The following CACNB2 variants were observed in gnomAD, a reference collection of about 807,000 sequenced individuals.
CACNB2 encodes the protein voltage-dependent L-type calcium channel subunit beta-2.
A neutral mutation model predicts 73.3 loss-of-function variants in CACNB2; 42 were observed. That is an observed-to-expected ratio of 0.57 (90% CI 0.45 to 0.74). The LOEUF is 0.74. CACNB2 is among the 30% of genes least tolerant of loss of function. The probability of loss-of-function intolerance (pLI) is 0.00; values close to 1 mark genes in which losing one functional copy is unlikely to be tolerated. For synonymous variants in CACNB2, 348 were observed against 310.3 expected, an observed-to-expected ratio of 1.12 and a Z score of -1.28; for missense variants, 940 against 853.0, an observed-to-expected ratio of 1.10 and a Z score of -1.27.
chr10:18,485,512 G>A (rs370688796), intron 3 of CACNB2, among the ~76,000 whole-genome samples: 8 of 150,014 alleles, frequency 5.3e-5, no homozygotes, highest in South Asian at 2.1e-4. Context: ...TAAAAAAAAC[G>A]GATTAGATCT....
In CACNB2 at chr10:18,494,224, G is replaced by A. The variant is rs556372763; in HGVS notation, c.334-4131G>A. On this transcript the variant is annotated intron_variant, in intron 3 of 13. Transcript: ENST00000324631. ...ATTGAAAAGTGATAAAAAGTTGGTAGAAGTCATAAGATTTTCTATGGGGTC... is the reference window on the plus strand; with the variant it reads ...ATTGAAAAGTGATAAAAAGTTGGTAAAAGTCATAAGATTTTCTATGGGGTC... 4.1e-4 allele frequency among the ~76,000 whole-genome samples: 63 copies of A among 152,248 alleles called. No individual in the cohort carries two copies. In the East Asian group the frequency reaches 8.9e-3, roughly 21 times the overall value.
intron 7 of CACNB2, chr10:18,515,182 T>C: frequency 1.4e-6 from 1 of 721,284 alleles, no homozygotes; most frequent in South Asian, 1.5e-5. Flanking sequence ...TCCAAGATGC[T>C]ACACAGCGAG....
chr10:18,338,738 CTTTTTTT>C (rs553402190), intron 2 of CACNB2, among the ~76,000 whole-genome samples: 8 of 102,446 alleles, frequency 7.8e-5, no homozygotes, highest in Admixed American at 3.6e-4. Flanking sequence ...TCCTTCTTTC[CTTTTTTT>C]TTTTTTTTTT....
chr10:18,343,995 C>T (rs1040635718), intron 2 of CACNB2, among the ~76,000 whole-genome samples: 3 of 150,016 alleles, frequency 2.0e-5, no homozygotes, highest in Non-Finnish European at 4.4e-5. Flanking sequence ...ATGAAGTATT[C>T]TAAGAAGGCT....
At chr10:18,321,762 C>T (rs1335634684) in intron 2 of CACNB2, among the ~76,000 whole-genome samples, 3 of 152,118 alleles carry the variant, frequency 2.0e-5, no homozygotes, top group African/African-American at 7.2e-5. Context: ...ATCATAGGAG[C>T]CATTACCTCA....
rs536310661 is a variant in CACNB2 at position 18,389,934 on chromosome 10, C to T, written c.214-11990C>T. On this transcript the variant is annotated intron_variant, in intron 2 of 13. Coordinates refer to ENST00000324631, the MANE Select transcript of CACNB2 (RefSeq NM_201596.3). ...TTCTATTAATATCCTTTATTTATATCAATTCATTTCTTACTGTTTTACTTA... is the reference window on the plus strand; with the variant it reads ...TTCTATTAATATCCTTTATTTATATTAATTCATTTCTTACTGTTTTACTTA... 7.9e-5 allele frequency among the ~76,000 whole-genome samples: 12 copies of T among 151,298 alleles called. No individual in the cohort carries two copies. In the South Asian group the frequency reaches 2.1e-3, roughly 26 times the overall value.
intron 3 of CACNB2, among the ~76,000 whole-genome samples, chr10:18,443,714 AC>A (rs922015767): frequency 8.9e-6 from 1 of 112,444 alleles, no homozygotes; most frequent in African/African-American, 3.2e-5. Flanking sequence ...ATTCCTACAT[AC>A]CTTTTTTTTT....
chr10:18,226,281 C>A (rs775055616), intron 2 of CACNB2, among the ~76,000 whole-genome samples: 6 of 152,170 alleles, frequency 3.9e-5, no homozygotes, highest in Non-Finnish European at 8.8e-5. Context: ...TTCACCTCAG[C>A]CTCCCAGAGT....
intron 3 of CACNB2, among the ~76,000 whole-genome samples, chr10:18,420,102 C>A (rs992360608): frequency 1.3e-5 from 2 of 152,160 alleles, no homozygotes; most frequent in Non-Finnish European, 2.9e-5. Context: ...CCTTATCTGG[C>A]CTTTGTTCAA....
At chr10:18,294,416 G>A (rs1417534867) in intron 2 of CACNB2, among the ~76,000 whole-genome samples, 1 of 152,202 alleles carries the variant, frequency 6.6e-6, no homozygotes, top group Admixed American at 6.5e-5. Flanking sequence ...TTCACAGAGT[G>A]CCTCTTCTAT....
chr10:18,303,758 A>G (rs1263059891), intron 2 of CACNB2, among the ~76,000 whole-genome samples: 2 of 152,270 alleles, frequency 1.3e-5, no homozygotes, highest in East Asian at 3.9e-4. Flanking sequence ...GCCCTTGACT[A>G]GTTGTGGCAC....
At chr10:18,144,416 C>T (rs1466300362) in intron 1 of CACNB2, among the ~76,000 whole-genome samples, 1 of 152,198 alleles carries the variant, frequency 6.6e-6, no homozygotes, top group Admixed American at 6.5e-5. Context: ...AAATGAATGG[C>T]AATCTAACTG....
Position 18,220,232 on chromosome 10 carries a change from T to TAGAGAG in CACNB2, c.213+69295_213+69300dup, listed in dbSNP as rs1169176468. Among the ~76,000 whole-genome samples, 157 of 25,074 alleles carry TAGAGAG rather than the reference T, an allele frequency of 6.3e-3. 1 individual carries two copies. The highest frequency in any genetic ancestry group is 9.4e-3 in the Admixed American group (14 of 1,494). 16.4% of individuals were successfully genotyped at this position (25,074 alleles called of 152,430 possible). On this transcript the variant is annotated intron_variant, in intron 2 of 13. Coordinates refer to ENST00000324631, the MANE Select transcript of CACNB2 (RefSeq NM_201596.3). ...ATATATATATATATATATATATATA[T>TAGAGAG]AGAGAGAGAGAGAGAGAGAGAGAGA...
chr10:18,257,381 T>C (rs919670550), intron 2 of CACNB2: 1 of 152,224 alleles, frequency 6.6e-6, no homozygotes, highest in African/African-American at 2.4e-5. Flanking sequence ...TGATACCTAC[T>C]ATGTTTCAGT....
At chr10:18,260,464 T>A (rs2037484299) in intron 2 of CACNB2, 8 of 985,320 alleles carry the variant, frequency 8.1e-6, no homozygotes, top group Non-Finnish European at 9.6e-6. Flanking sequence ...ACCAAACAAC[T>A]GTGCGCCGCA....
At chr10:18,343,320 T>C (rs1169121181) in intron 2 of CACNB2, among the ~76,000 whole-genome samples, 1 of 152,226 alleles carries the variant, frequency 6.6e-6, no homozygotes, top group East Asian at 1.9e-4. Flanking sequence ...TTTTTTTTTA[T>C]TATTATTGTT....
intron 2 of CACNB2, among the ~76,000 whole-genome samples, chr10:18,292,428 C>G (rs537809892): frequency 1.3e-5 from 2 of 152,244 alleles, no homozygotes; most frequent in South Asian, 4.1e-4. Flanking sequence ...GAGGCCGAGG[C>G]GGGCAGATCA....
intron 2 of CACNB2, among the ~76,000 whole-genome samples, chr10:18,348,542 C>A (rs991109515): frequency 1.3e-5 from 2 of 152,082 alleles, no homozygotes; most frequent in African/African-American, 4.8e-5. Flanking sequence ...GAGACAGAGT[C>A]TTGCTCTGTC....
intron 2 of CACNB2, among the ~76,000 whole-genome samples, chr10:18,152,819 G>A (rs994326263): frequency 6.6e-6 from 1 of 150,398 alleles, no homozygotes; most frequent in African/African-American, 2.4e-5. Flanking sequence ...AAATTGCACG[G>A]AAAGAAAAAC....
Sources: allele counts gnomAD v4.1 joint callset (sites outside exome capture counted in the v4.1 genomes callset), GRCh38; gene constraint gnomAD v4.1.1; transcripts MANE v1.5; gene names NCBI Gene and HGNC (gene_info 2026-07-23, HGNC 2026-07-21).